The following GATA4 variants were observed in gnomAD, a reference collection of about 807,000 sequenced individuals.
GATA4 encodes the protein GATA binding protein 4.
A neutral mutation model predicts 37.9 loss-of-function variants in GATA4; 7 were observed. That is an observed-to-expected ratio of 0.18 (90% CI 0.11 to 0.35). The LOEUF (loss-of-function observed/expected upper bound fraction) is 0.35, where lower values mean the gene tolerates loss of function less well. Ranked by LOEUF, GATA4 falls within the 10% of genes least tolerant of loss-of-function variation. The pLI is 1.00. For synonymous variants in GATA4, 372 were observed against 292.6 expected (o/e 1.27, Z -2.77); for missense variants, 647 against 653.0 (o/e 0.99, Z 0.10).
intron 1 of GATA4, among the ~76,000 whole-genome samples, chr8:11,696,662 A>G (rs1283059391): frequency 1.3e-5 from 2 of 152,240 alleles, no homozygotes; most frequent in African/African-American, 2.4e-5. Context: ...CAAATAGTAT[A>G]TCTGCTGGGG....
rs913720874 is a variant in GATA4 at position 11,709,578 on chromosome 8, G to T, written c.616+650G>T. Reference sequence around the variant, plus strand: ...CGTGGGCGCATCATGCGGGCAGCGGGGGGGGGGGCGCACACGCCCGGTCAG... The same window carrying T: ...CGTGGGCGCATCATGCGGGCAGCGGTGGGGGGGGCGCACACGCCCGGTCAG... On this transcript the variant is annotated intron_variant, in intron 2 of 6. Transcript: ENST00000532059. The surrounding 1 kb of genome is among the most constrained non-coding windows in gnomAD (Gnocchi z 4.3). 8.7e-6 allele frequency among the ~76,000 whole-genome samples: 1 copy of T among 115,392 alleles called. No homozygotes were observed. The highest frequency in any genetic ancestry group is 1.7e-5 in the Non-Finnish European group (1 of 60,148). 75.7% of individuals were successfully genotyped at this position (115,392 alleles called of 152,430 possible).
At chr8:11,731,459 T>G (rs1801204883) in intron 2 of GATA4, among the ~76,000 whole-genome samples, 1 of 152,180 alleles carries the variant, frequency 6.6e-6, no homozygotes. Context: ...TTACGCTAAG[T>G]GAAACAAGCC....
At chr8:11,721,164 G>C (rs765569635) in intron 2 of GATA4, among the ~76,000 whole-genome samples, 8 of 151,320 alleles carry the variant, frequency 5.3e-5, no homozygotes, top group African/African-American at 1.5e-4. Flanking sequence ...TGGGTTCTAC[G>C]GAGCCCTTAG....
chr8:11,718,929 C>G (rs1386746128), intron 2 of GATA4, among the ~76,000 whole-genome samples: 1 of 152,220 alleles, frequency 6.6e-6, no homozygotes, highest in East Asian at 1.9e-4. Context: ...TTGACCCATT[C>G]CGAGCAGGTG....
At chr8:11,681,797 C>G (rs1396886768) in intron 1 of GATA4, among the ~76,000 whole-genome samples, 1 of 152,146 alleles carries the variant, frequency 6.6e-6, no homozygotes, top group East Asian at 1.9e-4. Flanking sequence ...TCCTTGCCTG[C>G]CTGTCTTCTT....
chr8:11,749,182 G>A lies in GATA4; in HGVS notation c.786+97G>A. 2 of 1,229,976 alleles carry A rather than the reference G, an allele frequency of 1.6e-6. No individual in the cohort carries two copies. The highest frequency in any genetic ancestry group is 2.3e-6 in the Non-Finnish European group (2 of 860,462). The allele number at this position is 1,229,976 out of a possible 1,614,324, so 76.2% of individuals were successfully genotyped here. ...GTTTTGAATTTTGGAACTTGAGGGT[G>A]TGCATCGGGGATTACGTGGGTGAGA... On this transcript the variant is annotated intron_variant, in intron 3 of 6. Coordinates refer to ENST00000532059, the MANE Select transcript of GATA4 (RefSeq NM_001308093.3). The surrounding 1 kb of genome is among the most constrained non-coding windows in gnomAD (Gnocchi z 4.6).
chr8:11,696,478 G>T (rs1176622289), intron 1 of GATA4, among the ~76,000 whole-genome samples: 1 of 152,078 alleles, frequency 6.6e-6, no homozygotes, highest in Non-Finnish European at 1.5e-5. Context: ...GTATTCCATT[G>T]TATGGATGTA....
chr8:11,713,427 C>T, intron 2 of GATA4, among the ~76,000 whole-genome samples: 1 of 151,948 alleles, frequency 6.6e-6, no homozygotes, highest in Non-Finnish European at 1.5e-5. Flanking sequence ...TGCCCCAGGA[C>T]TCTGCCCTGC....
intron 2 of GATA4, among the ~76,000 whole-genome samples, chr8:11,720,490 T>G (rs1035396784): frequency 6.6e-6 from 1 of 152,198 alleles, no homozygotes; most frequent in Non-Finnish European, 1.5e-5. Flanking sequence ...TGTGAAGGTT[T>G]GTTACATAGG....
intron 1 of GATA4, among the ~76,000 whole-genome samples, chr8:11,677,919 A>G (rs1798834117): frequency 6.6e-6 from 1 of 152,012 alleles, no homozygotes; most frequent in Non-Finnish European, 1.5e-5. Context: ...ACGCTTTTGC[A>G]TACAAGTCGA....
rs1554488908 is a variant in GATA4 at position 11,709,577 on chromosome 8, G to GCGGGGGGA, written c.616+649_616+650insCGGGGGGA. Among the ~76,000 whole-genome samples the GCGGGGGGA allele has an allele frequency of 6.6e-5, 9 of 136,380 alleles. No individual in the cohort carries two copies. The highest frequency in any genetic ancestry group is 2.6e-4 in the African/African-American group (9 of 34,292). The allele number at this position is 136,380 out of a possible 152,430, so 89.5% of individuals were successfully genotyped here. A position where few individuals can be genotyped will look rare whatever the true frequency, so the allele number is the denominator to read the frequency against. On this transcript the variant is annotated intron_variant, in intron 2 of 6. Coordinates refer to ENST00000532059, the MANE Select transcript of GATA4 (RefSeq NM_001308093.3). This position sits in a 1 kb window ranked among gnomAD's most constrained non-coding sequence, Gnocchi z 4.3. ...GCGTGGGCGCATCATGCGGGCAGCG[G>GCGGGGGGA]GGGGGGGGGCGCACACGCCCGGTCA...
At chr8:11,744,597 T>G (rs986190408) in intron 2 of GATA4, among the ~76,000 whole-genome samples, 2 of 152,254 alleles carry the variant, frequency 1.3e-5, no homozygotes, top group Admixed American at 1.3e-4. Context: ...TAGTTAGTGC[T>G]GTGTTTGTGA....
In GATA4 at chr8:11,755,086, C is replaced by T. The variant is rs1217086237; in HGVS notation, c.953C>T (p.Thr318Ile). The change falls in exon 5 of 7, where the codon ACC becomes ATC. Residue 318 changes from threonine to isoleucine, a missense_variant. Thr to Ile is a moderately conservative substitution (Grantham distance 89). This residue lies in a region of GATA4 where 21 missense variants were observed against 62.6 expected (regional missense o/e 0.34). Transcript: ENST00000532059. The stretch of plus-strand genomic sequence containing the variant: ...GCAATGCGGAAAGAGGGGATCCAAA[C>T]CAGAAAACGGAAGCCCAAGAACCTG... Reference protein sequence around the residue: ...PLAMRKEGIQTRKRKPKNLNK... With the variant: ...PLAMRKEGIQIRKRKPKNLNK... 2 of 1,614,106 alleles carry T rather than the reference C, an allele frequency of 1.2e-6. No individual in the cohort carries two copies. The highest frequency in any genetic ancestry group is 1.1e-5 in the South Asian group (1 of 91,084).
At chr8:11,685,797 A>T (rs886224967) in intron 1 of GATA4, among the ~76,000 whole-genome samples, 4 of 152,004 alleles carry the variant, frequency 2.6e-5, no homozygotes, top group African/African-American at 9.7e-5. Context: ...TGGCAGGAGG[A>T]TGTGGTGGGA....
chr8:11,728,252 G>A (rs930331144), intron 2 of GATA4, among the ~76,000 whole-genome samples: 2 of 152,192 alleles, frequency 1.3e-5, no homozygotes, highest in Non-Finnish European at 2.9e-5. Flanking sequence ...ACCTCCCAAA[G>A]TGTTGGGATT....
intron 1 of GATA4, chr8:11,680,576 C>T (rs1798926961): frequency 3.0e-6 from 3 of 985,352 alleles, no homozygotes; most frequent in Non-Finnish European, 3.6e-6. Context: ...GCCAGGAAGC[C>T]CAGGCTATGC....
At position 11,696,076 on chromosome 8, in the gene GATA4, C is replaced by G. The variant is rs540600230; in HGVS notation, c.-729+3416C>G. Among the ~76,000 whole-genome samples the G allele has an allele frequency of 2.6e-5, 4 of 152,274 alleles. No individual in the cohort carries two copies. The South Asian group carries it at 8.3e-4, about 32-fold the overall frequency. ...GAGAATGGGAGCTGAAGAGTCTTAT[C>G]CTGCTCCACCTGTGCTCTTTTTCCT... On this transcript the variant is annotated intron_variant, in intron 1 of 2. Transcript: ENST00000526974.
At chr8:11,712,949 T>G (rs1369609753) in intron 2 of GATA4, among the ~76,000 whole-genome samples, 1 of 152,232 alleles carries the variant, frequency 6.6e-6, no homozygotes, top group East Asian at 1.9e-4. Context: ...AACCTGGCCT[T>G]TGATTTAAAT....
chr8:11,735,378 G>A (rs1214363680), intron 2 of GATA4, among the ~76,000 whole-genome samples: 1 of 152,150 alleles, frequency 6.6e-6, no homozygotes, highest in African/African-American at 2.4e-5. Context: ...GCAGATGGTG[G>A]GGGAATAAAC....
Sources: allele counts gnomAD v4.1 joint callset (sites outside exome capture counted in the v4.1 genomes callset), GRCh38; gene constraint gnomAD v4.1.1; regional missense constraint gnomAD v4.1.1; non-coding constraint Gnocchi (gnomAD v3.1); transcripts MANE v1.5; gene names NCBI Gene and HGNC (gene_info 2026-07-23, HGNC 2026-07-21).